TECTA: variants seen among roughly 807,000 people sequenced by gnomAD.
The protein encoded by TECTA is alpha-tectorin.
A neutral mutation model predicts 216.8 loss-of-function variants in TECTA; 128 were observed. The ratio of observed to expected loss-of-function variants is 0.59; its 90% CI spans 0.51 to 0.68. The LOEUF (loss-of-function observed/expected upper bound fraction) is 0.68. TECTA is among the 30% of genes least tolerant of loss of function. TECTA has a pLI of 0.00. For synonymous variants in TECTA, 1,089 were observed against 1,117.1 expected, an observed-to-expected ratio of 0.97 and a Z score of 0.50; for missense variants, 2,551 against 2,786.2, an observed-to-expected ratio of 0.92 and a Z score of 1.90.
In TECTA at chr11:121,189,810, G is replaced by A. The variant is rs145589648; in HGVS notation, c.6297G>A (p.Thr2099=). 14 of 1,613,884 alleles carry A rather than the reference G, an allele frequency of 8.7e-6. No homozygotes were observed. The East Asian group carries it at 1.8e-4, about 21-fold the overall frequency. ...ATGGAGGGTGTGAGCAGATTTGCAC[G>A]AGCCGGGTGGATGGGCCTCTCTGCA... ...EDNGGCEQIC[T]SRVDGPLCSC... is the part of the protein sequence containing the mutation. Residue 2099 remains threonine (T), a synonymous_variant, in exon 23 of 24, where the codon ACG becomes ACA. Coordinates refer to ENST00000392793, the MANE Select transcript of TECTA (RefSeq NM_005422.4).
chr11:121,125,250 C>G, intron 7 of TECTA, 52 bp from the exon 8 acceptor site: 2 of 1,573,114 alleles, frequency 1.3e-6, no homozygotes, highest in South Asian at 1.1e-5. Context: ...CTGCTGGAAC[C>G]CAGTGCCTGG....
chr11:121,187,378 C>G (rs1479674053), intron 20 of TECTA, among the ~76,000 whole-genome samples: 2 of 152,222 alleles, frequency 1.3e-5, no homozygotes, highest in Non-Finnish European at 1.5e-5. Flanking sequence ...CCCTCCAGCT[C>G]CTACCTATTT....
At chr11:121,180,206 A>G (rs970133965) in intron 20 of TECTA, among the ~76,000 whole-genome samples, 1 of 151,974 alleles carries the variant, frequency 6.6e-6, no homozygotes, top group Non-Finnish European at 1.5e-5. Flanking sequence ...TTTTGTGTAT[A>G]TGATCTGCCA....
In TECTA at chr11:121,145,753, C is replaced by T. The variant is rs202223574; in HGVS notation, c.3742C>T (p.Pro1248Ser). The change falls in exon 12 of 24, where the codon CCT (proline) becomes TCT (serine). Residue 1248 changes from proline (P) to serine (S), a missense_variant. Physicochemically the swap from Pro to Ser is moderately conservative, Grantham distance 74. Around this residue, in one of 3 missense-constraint regions of TECTA, gnomAD observed 2,375 missense variants for 2,563.9 expected, o/e 0.93. Coordinates refer to ENST00000392793, the MANE Select transcript of TECTA (RefSeq NM_005422.4). ...YGLCGRYNGN[P>S]DDDLEMPMGL... ...TCTGTGTGGCCGCTACAACGGCAAC[C>T]CTGATGATGACCTGGAGATGCCCAT... The T allele has an allele frequency of 4.7e-5, 76 of 1,614,180 alleles. No individual in the cohort carries two copies. The Admixed American group carries it at 1.2e-3, about 26-fold the overall frequency.
intron 20 of TECTA, among the ~76,000 whole-genome samples, chr11:121,185,477 A>G (rs1947275475): frequency 7.1e-6 from 1 of 140,536 alleles, no homozygotes; most frequent in Non-Finnish European, 1.5e-5. Flanking sequence ...TGAGTAGGGA[A>G]AGCAGATGTT....
rs2135060507 is a variant in TECTA, at chr11:121,113,790, A to C, written c.790+72A>C. On this transcript the variant is annotated intron_variant, in intron 6 of 23. Coordinates refer to ENST00000392793, the MANE Select transcript of TECTA (RefSeq NM_005422.4). The surrounding 1 kb of genome is among the most constrained non-coding windows in gnomAD (Gnocchi z 4.2). ...AGATTGACAGGCAAGCTTTTAAGCC[A>C]CGGGGGCGGACTCATTCCTGATGCC... is the stretch of plus-strand genomic sequence containing the variant. 14 of 1,568,376 alleles carry C rather than the reference A, an allele frequency of 8.9e-6. No homozygotes were observed. In the South Asian group the frequency reaches 1.5e-4, roughly 16 times the overall value.
rs140029967 is a variant in TECTA, at chr11:121,133,025, C to T, written c.2941+2814C>T. Among the ~76,000 whole-genome samples, 1,076 of 152,318 alleles carry T rather than the reference C, an allele frequency of 7.1e-3. 11 individuals carry two copies. Among genetic ancestry groups the T allele is most frequent in the African/African-American group, 0.025 (1,029 of 41,562 alleles). On this transcript the variant is annotated intron_variant, in intron 10 of 23. Coordinates refer to ENST00000392793, the MANE Select transcript of TECTA (RefSeq NM_005422.4). The stretch of plus-strand genomic sequence containing the variant: ...GGGATTACAGGCGTGAGCCACCACG[C>T]CCGGCCAGTTTTCCATTTTTTAGTT...
rs370808434 is a variant in TECTA, at chr11:121,189,897, C to G, written c.6367+17C>G. The G allele has an allele frequency of 3.7e-6, 6 of 1,604,856 alleles. No homozygotes were observed. Among genetic ancestry groups the G allele is most frequent in the Non-Finnish European group, 5.1e-6 (6 of 1,173,248 alleles). On this transcript the variant is annotated intron_variant, in intron 23 of 23. Transcript: ENST00000392793. ...GCTGCAGAGGTAGACACTCTTCTACCCTGGGGCAGGCAGCTGGGAGACACG... is the reference window on the plus strand; with the variant it reads ...GCTGCAGAGGTAGACACTCTTCTACGCTGGGGCAGGCAGCTGGGAGACACG...
intron 20 of TECTA, among the ~76,000 whole-genome samples, chr11:121,169,771 G>A (rs1452255244): frequency 6.6e-6 from 1 of 152,116 alleles, no homozygotes; most frequent in Non-Finnish European, 1.5e-5. Flanking sequence ...GAATAGATGT[G>A]ATATTTTGAC....
At chr11:121,190,068 C>T (rs1023784680) in intron 23 of TECTA, 188 bp downstream of exon 23, 2 of 603,442 alleles carry the variant, frequency 3.3e-6, no homozygotes, top group Non-Finnish European at 5.9e-6. Flanking sequence ...AAACAAACAA[C>T]AACAACAAAA....
At chr11:121,102,766 C>T in intron 2 of TECTA, 37 bp downstream of exon 2, 4 of 1,574,514 alleles carry the variant, frequency 2.5e-6, no homozygotes, top group Non-Finnish European at 3.5e-6. Flanking sequence ...TCTCAGTTAG[C>T]ATGCTCTTGA....
In TECTA at chr11:121,113,465, T is replaced by G; in HGVS notation, c.625-88T>G. The G allele has an allele frequency of 1.9e-6, 3 of 1,568,136 alleles. No individual in the cohort carries two copies. The highest frequency in any genetic ancestry group is 1.1e-5 in the South Asian group (1 of 89,480). The stretch of plus-strand genomic sequence containing the variant: ...AAAAGACGGCTCTTGATTTTAGAGG[T>G]GCTGGATTTTAAAAATAAGGTAGTT... On this transcript the variant is annotated intron_variant, in intron 5 of 23. Transcript: ENST00000392793. This position sits in a 1 kb window ranked among gnomAD's most constrained non-coding sequence, Gnocchi z 4.2.
In TECTA at chr11:121,129,859, C is replaced by T. The variant is rs1408054383; in HGVS notation, c.2589C>T (p.Pro863=). Residue 863 remains proline (P), a synonymous_variant, in exon 10 of 24, where the codon CCC becomes CCT. Transcript: ENST00000392793. ...NANASDEFCL[P]NGKCTDNLAV... ...ACGCCAGTGACGAGTTCTGTCTCCC[C>T]AACGGCAAGTGCACGGACAACCTGG... is the stretch of plus-strand genomic sequence containing the variant. 1.2e-6 allele frequency: 2 copies of T among 1,614,256 alleles called. No homozygotes were observed. The highest frequency in any genetic ancestry group is 2.2e-5 in the East Asian group (1 of 44,888).
chr11:121,135,209 C>T (rs1946714269), intron 10 of TECTA, among the ~76,000 whole-genome samples: 1 of 152,200 alleles, frequency 6.6e-6, no homozygotes, highest in Non-Finnish European at 1.5e-5. Flanking sequence ...ACACAATCTT[C>T]TTTGAACCTA....
intron 11 of TECTA, among the ~76,000 whole-genome samples, chr11:121,142,679 G>A (rs1946795854): frequency 6.6e-6 from 1 of 152,118 alleles, no homozygotes; most frequent in Non-Finnish European, 1.5e-5. Context: ...TGAGCTTTCA[G>A]GACAGATCAG....
At chr11:121,157,708 G>T (rs531648492) in intron 13 of TECTA, 133 bp from the exon 14 acceptor site, 6 of 1,291,950 alleles carry the variant, frequency 4.6e-6, no homozygotes, top group Non-Finnish European at 6.6e-6. Flanking sequence ...TTTCCCCACT[G>T]CTGCCTCCTA....
chr11:121,135,607 G>C (rs1305405126), intron 10 of TECTA, among the ~76,000 whole-genome samples: 1 of 152,214 alleles, frequency 6.6e-6, no homozygotes, highest in Non-Finnish European at 1.5e-5. Flanking sequence ...AAAAATGATT[G>C]GCTTTCAGTC....
At position 121,188,005 on chromosome 11, in the gene TECTA, G is replaced by A. The variant is rs1291388068; in HGVS notation, c.6162+11G>A. The A allele has an allele frequency of 6.2e-7, 1 of 1,614,108 alleles. No individual in the cohort carries two copies. The highest frequency in any genetic ancestry group is 2.2e-5 in the East Asian group (1 of 44,888). On this transcript the variant is annotated intron_variant, in intron 21 of 23. Transcript: ENST00000392793. ...TACTCCTGTAAAATCGTAAGTGAGA[G>A]TGTGAAAACAAAGTGCTTAGCCTTA... is the stretch of plus-strand genomic sequence containing the variant.
intron 11 of TECTA, among the ~76,000 whole-genome samples, chr11:121,142,665 G>T (rs770246377): frequency 6.6e-6 from 1 of 152,054 alleles, no homozygotes; most frequent in African/African-American, 2.4e-5. Context: ...TACTTTATTC[G>T]CTGTGAGCTT....
Sources: allele counts gnomAD v4.1 joint callset (sites outside exome capture counted in the v4.1 genomes callset), GRCh38; gene constraint gnomAD v4.1.1; regional missense constraint gnomAD v4.1.1; non-coding constraint Gnocchi (gnomAD v3.1); transcripts MANE v1.5; gene names NCBI Gene and HGNC (gene_info 2026-07-23, HGNC 2026-07-21).